Variants in CFAP91 observed in about 807,000 individuals in gnomAD.
CFAP91 encodes cilia and flagella associated protein 91, also known as cilia- and flagella-associated protein 91.
A neutral mutation model predicts 95.9 loss-of-function variants in CFAP91; 85 were observed. The ratio of observed to expected loss-of-function variants is 0.89; its 90% CI spans 0.74 to 1.06. CFAP91 has a LOEUF of 1.06. Among genes scored for constraint, CFAP91 ranks in the 50% least tolerant of loss-of-function variants. The pLI is 0.00. For synonymous variants in CFAP91, 335 were observed against 327.5 expected (o/e 1.02, Z -0.25); for missense variants, 962 against 943.4 (o/e 1.02, Z -0.26).
chr3:119,757,428 C>G (rs1559771092), intron 17 of CFAP91, among the ~76,000 whole-genome samples: 1 of 152,180 alleles, frequency 6.6e-6, no homozygotes, highest in South Asian at 2.1e-4. Context: ...TGGACCAGTT[C>G]AGCTCAGGAG....
Position 119,726,265 on chromosome 3 carries a change from C to A in CFAP91, c.777C>A (p.Asp259Glu), listed in dbSNP as rs746117707. ...AAGCCTCTCTCCCCGCTCTGAGTGACACCTCCCAGTTTGAGAAGAGGAGGA... is the reference window on the plus strand; with the variant it reads ...AAGCCTCTCTCCCCGCTCTGAGTGAAACCTCCCAGTTTGAGAAGAGGAGGA... ...AWEASLPALS[D>E]TSQFEKRRKM... Residue 259 changes from aspartate (D) to glutamate (E), a missense_variant, in exon 7 of 18, where the codon GAC (aspartate) becomes GAA (glutamate). Physicochemically the swap from Asp to Glu is conservative, Grantham distance 45. Coordinates refer to ENST00000273390, the MANE Select transcript of CFAP91 (RefSeq NM_033364.4). 140 of 1,613,920 alleles carry A rather than the reference C, an allele frequency of 8.7e-5. No homozygotes were observed. The highest frequency in any genetic ancestry group is 1.2e-4 in the Non-Finnish European group (139 of 1,179,898).
chr3:119,715,346 C>T, intron 5 of CFAP91: 1 of 677,442 alleles, frequency 1.5e-6, no homozygotes, highest in South Asian at 1.5e-5. Context: ...GTACTTTGAC[C>T]CACTTAGTTT....
At chr3:119,727,071 A>G (rs1358302682) in intron 7 of CFAP91, among the ~76,000 whole-genome samples, 1 of 152,184 alleles carries the variant, frequency 6.6e-6, no homozygotes, top group African/African-American at 2.4e-5. Context: ...AGAACCAAAA[A>G]ATTATAACTC....
At chr3:119,728,066 G>T (rs2053819754) in intron 7 of CFAP91, among the ~76,000 whole-genome samples, 1 of 151,968 alleles carries the variant, frequency 6.6e-6, no homozygotes, top group African/African-American at 2.4e-5. Flanking sequence ...GGACTATAAG[G>T]AGCTCTGTCA....
rs1486948119 is a variant in CFAP91, at chr3:119,732,362, G to T, written c.1087G>T (p.Asp363Tyr). 1 of 1,612,206 alleles carries T rather than the reference G, an allele frequency of 6.2e-7. No individual in the cohort carries two copies. Among genetic ancestry groups the T allele is most frequent in the South Asian group, 1.1e-5 (1 of 90,886 alleles). Residue 363 changes from aspartate to tyrosine, a missense_variant, in exon 9 of 18, where the codon GAT (aspartate) becomes TAT (tyrosine). Transcript: ENST00000273390. ...GTTGGAGAGAAGAAATATCATCAAG[G>T]ATTATTCTGATTATGCATCACAGGT... Reference protein sequence around the residue: ...GKLERRNIIKDYSDYASQVYG... With the variant: ...GKLERRNIIKYYSDYASQVYG...
At chr3:119,759,280 A>G (rs752102928) in intron 17 of CFAP91, among the ~76,000 whole-genome samples, 8 of 152,054 alleles carry the variant, frequency 5.3e-5, no homozygotes, top group Admixed American at 1.3e-4. Context: ...AGGAATGCAT[A>G]CTTAGAAAGT....
At chr3:119,764,946 TA>T (rs1393940044) in intron 17 of CFAP91, 105 bp from the exon 18 acceptor site, 1 of 152,206 alleles carries the variant, frequency 6.6e-6, no homozygotes, top group African/African-American at 2.4e-5. Context: ...AGTTCAAAGC[TA>T]GGGCTCAGAC....
intron 15 of CFAP91, among the ~76,000 whole-genome samples, chr3:119,747,476 T>A (rs920272175): frequency 1.2e-4 from 19 of 152,230 alleles, no homozygotes; most frequent in Non-Finnish European, 2.9e-5. Context: ...ATTACTCTCA[T>A]TACTTACTTT....
intron 7 of CFAP91, among the ~76,000 whole-genome samples, chr3:119,727,458 A>G (rs2053804373): frequency 1.3e-5 from 2 of 152,206 alleles, no homozygotes. Context: ...GCCAGAGTGA[A>G]AACGTCATCT....
At chr3:119,753,970 G>C (rs1469816370) in intron 17 of CFAP91, among the ~76,000 whole-genome samples, 1 of 152,204 alleles carries the variant, frequency 6.6e-6, no homozygotes, top group African/African-American at 2.4e-5. Flanking sequence ...CTAGTCTATG[G>C]TGTTTGGTTA....
chr3:119,761,370 G>C (rs2054534682), intron 17 of CFAP91, among the ~76,000 whole-genome samples: 1 of 151,738 alleles, frequency 6.6e-6, no homozygotes, highest in East Asian at 1.9e-4. Flanking sequence ...GTAATGAAAA[G>C]ACTCTCATCA....
At chr3:119,721,024 A>G (rs2053674168) in intron 6 of CFAP91, among the ~76,000 whole-genome samples, 1 of 152,230 alleles carries the variant, frequency 6.6e-6, no homozygotes, top group African/African-American at 2.4e-5. Flanking sequence ...AACCATGGAT[A>G]TGAAGGGCCA....
At position 119,709,291 on chromosome 3, in the gene CFAP91, T is replaced by A. The variant is rs1013154875; in HGVS notation, c.444-548T>A. On this transcript the variant is annotated intron_variant, in intron 4 of 17. Transcript: ENST00000273390. Reference sequence around the variant, plus strand: ...TATAAGCTTCCTTGAGAAAGTAAATTTCTAATCCACATTATTATTTATGAG... The same window carrying A: ...TATAAGCTTCCTTGAGAAAGTAAATATCTAATCCACATTATTATTTATGAG... Among the ~76,000 whole-genome samples the A allele has an allele frequency of 5.9e-5, 9 of 152,214 alleles. 1 individual carries two copies. Among genetic ancestry groups the A allele is most frequent in the African/African-American group, 2.2e-4 (9 of 41,448 alleles).
chr3:119,741,824 C>G (rs1049135438), intron 13 of CFAP91, among the ~76,000 whole-genome samples: 1 of 152,146 alleles, frequency 6.6e-6, no homozygotes, highest in Non-Finnish European at 1.5e-5. Flanking sequence ...AACTTTGTTT[C>G]TTTCACATGA....
chr3:119,762,181 T>C (rs2054549151), intron 17 of CFAP91, among the ~76,000 whole-genome samples: 1 of 151,950 alleles, frequency 6.6e-6, no homozygotes, highest in South Asian at 2.1e-4. Context: ...AGCATTTCTA[T>C]ACATTAACAA....
rs75613226 is a variant in CFAP91, at chr3:119,733,038, C to T, written c.1202-326C>T. Among the ~76,000 whole-genome samples, 10 of 152,268 alleles carry T rather than the reference C, an allele frequency of 6.6e-5. No homozygotes were observed. The East Asian group carries it at 9.6e-4, about 15-fold the overall frequency. On this transcript the variant is annotated intron_variant, in intron 9 of 17. Coordinates refer to ENST00000273390, the MANE Select transcript of CFAP91 (RefSeq NM_033364.4). The stretch of plus-strand genomic sequence containing the variant: ...GAGCAAAATGTAATAAATTGGTGAA[C>T]GTCTACTTTAGAAGGGTGGCACCAC...
chr3:119,720,154 T>C (rs905348836), intron 6 of CFAP91, among the ~76,000 whole-genome samples: 1 of 150,776 alleles, frequency 6.6e-6, no homozygotes, highest in Non-Finnish European at 1.5e-5. Flanking sequence ...TTTGGGAGGC[T>C]GAGGCAGGTG....
At chr3:119,730,600 T>TTGTG (rs1559757137) in intron 8 of CFAP91, among the ~76,000 whole-genome samples, 1 of 95,358 alleles carries the variant, frequency 1.0e-5, no homozygotes, top group African/African-American at 3.9e-5. Context: ...GTTACTGAGA[T>TTGTG]AGTGTGTGTG....
intron 14 of CFAP91, among the ~76,000 whole-genome samples, chr3:119,745,207 A>G (rs932808483): frequency 6.6e-6 from 1 of 152,170 alleles, no homozygotes; most frequent in African/African-American, 2.4e-5. Context: ...CAACCTTCCT[A>G]ATTAAAATAT....
Sources: allele counts gnomAD v4.1 joint callset (sites outside exome capture counted in the v4.1 genomes callset), GRCh38; gene constraint gnomAD v4.1.1; transcripts MANE v1.5; gene names NCBI Gene and HGNC (gene_info 2026-07-23, HGNC 2026-07-21).